PIEZO2: variants seen among roughly 807,000 people sequenced by gnomAD.
The protein encoded by PIEZO2 is piezo-type mechanosensitive ion channel component 2.
PIEZO2 carries 172 observed loss-of-function variants against 337.3 expected under a neutral mutation model. The ratio of observed to expected loss-of-function variants is 0.51; its 90% CI spans 0.45 to 0.58. The LOEUF is 0.58. Among genes scored for constraint, PIEZO2 ranks in the 20% least tolerant of loss-of-function variants. PIEZO2 has a pLI of 0.00. For synonymous variants in PIEZO2, 1,251 were observed against 1,228.5 expected (o/e 1.02, Z -0.38); for missense variants, 3,028 against 3,391.3 (o/e 0.89, Z 2.66).
At chr18:10,776,618 C>G (rs942323855) in intron 18 of PIEZO2, among the ~76,000 whole-genome samples, 1 of 152,138 alleles carries the variant, frequency 6.6e-6, no homozygotes, top group African/African-American at 2.4e-5. Flanking sequence ...GAATCTGTTT[C>G]CCAATGGTCT....
chr18:10,944,738 C>T (rs2032928883), intron 3 of PIEZO2, among the ~76,000 whole-genome samples: 1 of 151,520 alleles, frequency 6.6e-6, no homozygotes, highest in Admixed American at 6.6e-5. Flanking sequence ...CCACTTTCAG[C>T]CAAGATGGGT....
At chr18:11,071,128 C>T (rs913403333) in intron 1 of PIEZO2, among the ~76,000 whole-genome samples, 1 of 152,140 alleles carries the variant, frequency 6.6e-6, no homozygotes, top group African/African-American at 2.4e-5. Context: ...TTCTTTTTAT[C>T]CCAAAGGAGT....
intron 3 of PIEZO2, among the ~76,000 whole-genome samples, chr18:10,971,751 C>T (rs1274481365): frequency 6.6e-6 from 1 of 152,162 alleles, no homozygotes; most frequent in Non-Finnish European, 1.5e-5. Context: ...CTAATCATAT[C>T]TATTCCTCAA....
At position 11,110,237 on chromosome 18, in the gene PIEZO2, C is replaced by T. The variant is rs73400577; in HGVS notation, c.64+38288G>A. Among the ~76,000 whole-genome samples the T allele has an allele frequency of 0.033, 5,041 of 152,310 alleles. 277 individuals are homozygous for T. The highest frequency in any genetic ancestry group is 0.11 in the African/African-American group (4,696 of 41,548). ...ATTCCTGGCCATCCTTCCACCTCAG[C>T]GTCCCAAAGTGCTGGGACTACAGGT... On this transcript the variant is annotated intron_variant, in intron 1 of 55. Transcript: ENST00000674853. The surrounding 1 kb of genome is among the most constrained non-coding windows in gnomAD (Gnocchi z 4.2).
rs571525237 is a variant in PIEZO2 at position 10,804,978 on chromosome 18, C to T, written c.1081-984G>A. Among the ~76,000 whole-genome samples the T allele has an allele frequency of 5.3e-5, 8 of 152,316 alleles. No individual in the cohort carries two copies. In the South Asian group the frequency reaches 1.2e-3, roughly 24 times the overall value. On this transcript the variant is annotated intron_variant, in intron 8 of 55. Coordinates refer to ENST00000674853, the MANE Select transcript of PIEZO2 (RefSeq NM_001378183.1). ...GCAGACCTCGTGATTTATAACATTG[C>T]TGTTGCTGTGTGGCCTATAGCCTAG...
intron 7 of PIEZO2, among the ~76,000 whole-genome samples, chr18:10,835,554 T>A (rs1411498937): frequency 6.6e-6 from 1 of 152,028 alleles, no homozygotes; most frequent in Non-Finnish European, 1.5e-5. Flanking sequence ...GTTCTTTTTT[T>A]TTTTTTTGAG....
chr18:11,025,251 C>A (rs892969427), intron 2 of PIEZO2, among the ~76,000 whole-genome samples: 1 of 152,120 alleles, frequency 6.6e-6, no homozygotes, highest in Non-Finnish European at 1.5e-5. Context: ...AAATATATAA[C>A]CCTCTGGAAA....
chr18:11,113,979 G>T (rs574027614), intron 1 of PIEZO2, among the ~76,000 whole-genome samples: 1 of 152,330 alleles, frequency 6.6e-6, no homozygotes, highest in South Asian at 2.1e-4. Context: ...CTACGGCAAA[G>T]CCAAGTCTAT....
intron 47 of PIEZO2, among the ~76,000 whole-genome samples, chr18:10,694,545 C>T (rs2034998979): frequency 6.6e-6 from 1 of 152,148 alleles, no homozygotes; most frequent in Non-Finnish European, 1.5e-5. Context: ...AATAGTACAT[C>T]ATTGACCGGG....
At chr18:10,974,174 G>T (rs1477561136) in intron 3 of PIEZO2, among the ~76,000 whole-genome samples, 1 of 152,180 alleles carries the variant, frequency 6.6e-6, no homozygotes. Flanking sequence ...TCTTCTTGTC[G>T]TAGGCCGACG....
chr18:10,953,543 G>T lies in PIEZO2; in HGVS notation c.286+25992C>A, dbSNP rs909647945. Among the ~76,000 whole-genome samples, 8 of 151,972 alleles carry T rather than the reference G, an allele frequency of 5.3e-5. No homozygotes were observed. The highest frequency in any genetic ancestry group is 2.0e-4 in the Admixed American group (3 of 15,254). ...TATCTCTATGGAAAATCAAGTGGCC[G>T]TGCACATACATGTGGGTCTATTTCT... On this transcript the variant is annotated intron_variant, in intron 3 of 55. Transcript: ENST00000674853. This position sits in a 1 kb window ranked among gnomAD's most constrained non-coding sequence, Gnocchi z 5.2.
intron 52 of PIEZO2, among the ~76,000 whole-genome samples, chr18:10,678,794 A>C (rs2143468132): frequency 6.6e-6 from 1 of 151,754 alleles, no homozygotes; most frequent in East Asian, 1.9e-4. Flanking sequence ...GGCTGGGCAG[A>C]GAGGACTCTC....
intron 2 of PIEZO2, among the ~76,000 whole-genome samples, chr18:11,034,687 G>A (rs895337810): frequency 6.6e-6 from 1 of 152,082 alleles, no homozygotes; most frequent in African/African-American, 2.4e-5. Flanking sequence ...TTTTGTGTGC[G>A]TAAAAAACTC....
At chr18:11,134,230 C>T (rs2040419668) in intron 1 of PIEZO2, among the ~76,000 whole-genome samples, 1 of 152,156 alleles carries the variant, frequency 6.6e-6, no homozygotes, top group Non-Finnish European at 1.5e-5. Flanking sequence ...TACTTTAACT[C>T]CCTTGTTGGT....
At chr18:11,051,199 G>GT (rs1376142330) in intron 2 of PIEZO2, among the ~76,000 whole-genome samples, 2 of 152,130 alleles carry the variant, frequency 1.3e-5, no homozygotes, top group African/African-American at 4.8e-5. Flanking sequence ...CCACTGTGGG[G>GT]TTTTGTCCTC....
rs76813109 is a variant in PIEZO2, at chr18:11,112,393, G to A, written c.64+36132C>T. Among the ~76,000 whole-genome samples, 1,125 of 152,202 alleles carry A rather than the reference G, an allele frequency of 7.4e-3. 20 individuals are homozygous for A. Among genetic ancestry groups the A allele is most frequent in the African/African-American group, 0.026 (1,059 of 41,520 alleles). On this transcript the variant is annotated intron_variant, in intron 1 of 55. Coordinates refer to ENST00000674853, the MANE Select transcript of PIEZO2 (RefSeq NM_001378183.1). This position sits in a 1 kb window ranked among gnomAD's most constrained non-coding sequence, Gnocchi z 4.3. ...GTCATTCTGAGAACAACCCTTCAACGCTTTAATTAAAGAGGCCTACAACAT... is the reference window on the plus strand; with the variant it reads ...GTCATTCTGAGAACAACCCTTCAACACTTTAATTAAAGAGGCCTACAACAT...
chr18:10,736,734 C>T, intron 33 of PIEZO2, 24 bp from the exon 34 acceptor site: 1 of 1,531,794 alleles, frequency 6.5e-7, no homozygotes, highest in Non-Finnish European at 8.7e-7. Context: ...AATATTCACT[C>T]ATTTCTTGAA....
chr18:11,057,442 C>G (rs2037772055), intron 2 of PIEZO2, among the ~76,000 whole-genome samples: 1 of 152,182 alleles, frequency 6.6e-6, no homozygotes. Context: ...GTCATTTAGT[C>G]AAATCCCTGT....
rs896844357 is a variant in PIEZO2 at position 10,979,724 on chromosome 18, T to C, written c.161-64A>G. The C allele has an allele frequency of 2.9e-5, 41 of 1,404,214 alleles. No individual in the cohort carries two copies. Among genetic ancestry groups the C allele is most frequent in the Non-Finnish European group, 9.4e-7 (1 of 1,063,394 alleles). The allele number at this position is 1,404,214 out of a possible 1,614,324, so 87.0% of individuals were successfully genotyped here. ...AGATGAAACACACTGGTGCTGTCTCTTGTACATATTTCTGTATAACCTATT... is the reference window on the plus strand; with the variant it reads ...AGATGAAACACACTGGTGCTGTCTCCTGTACATATTTCTGTATAACCTATT... On this transcript the variant is annotated intron_variant, in intron 2 of 55. Coordinates refer to ENST00000674853, the MANE Select transcript of PIEZO2 (RefSeq NM_001378183.1). The surrounding 1 kb of genome is among the most constrained non-coding windows in gnomAD (Gnocchi z 4.0).
Sources: gnomAD v4.1 joint callset for allele counts (sites outside exome capture counted in the v4.1 genomes callset) on GRCh38, gnomAD v4.1.1 for gene constraint, Gnocchi (gnomAD v3.1) non-coding constraint, MANE v1.5 for transcripts, NCBI Gene and HGNC (gene_info 2026-07-23, HGNC 2026-07-21) for gene names.